Variants in SSPN observed in about 807,000 individuals in gnomAD.
SSPN encodes the protein sarcospan, also known as K-ras oncogene-associated protein.
In SSPN, 15 loss-of-function variants were observed where a neutral mutation model predicts 19.1. The ratio of observed to expected loss-of-function variants is 0.78; its 90% CI spans 0.52 to 1.21. The LOEUF (loss-of-function observed/expected upper bound fraction) is 1.21. Among genes scored for constraint, SSPN ranks in the 50% most tolerant of loss-of-function variants. The probability of loss-of-function intolerance (pLI) is 0.00; values close to 1 mark genes in which losing one functional copy is unlikely to be tolerated. For synonymous variants in SSPN, 147 were observed against 140.3 expected, an observed-to-expected ratio of 1.05 and a Z score of -0.34; for missense variants, 291 against 314.0, an observed-to-expected ratio of 0.93 and a Z score of 0.55.
chr12:26,170,790 C>T (rs553311927), intron 1 of SSPN, among the ~76,000 whole-genome samples: 1 of 152,178 alleles, frequency 6.6e-6, no homozygotes, highest in Non-Finnish European at 1.5e-5. Flanking sequence ...CCATCCATAA[C>T]CCTGCTTAGC....
chr12:26,160,189 T>C (rs1411435899), intron 1 of SSPN, among the ~76,000 whole-genome samples: 5 of 152,208 alleles, frequency 3.3e-5, no homozygotes, highest in Non-Finnish European at 1.5e-5. Context: ...TAGGTAGAAC[T>C]CTATTTTCAA....
At chr12:26,226,181 C>A (rs1480711619) in intron 2 of SSPN, among the ~76,000 whole-genome samples, 1 of 152,136 alleles carries the variant, frequency 6.6e-6, no homozygotes, top group Non-Finnish European at 1.5e-5. Context: ...ACATTATCTT[C>A]AGGTTGAAAG....
intron 1 of SSPN, among the ~76,000 whole-genome samples, chr12:26,210,416 A>G (rs762063078): frequency 3.9e-5 from 6 of 152,086 alleles, no homozygotes; most frequent in Non-Finnish European, 7.4e-5. Flanking sequence ...CAGGATCTCA[A>G]TAAGATCTAT....
intron 1 of SSPN, among the ~76,000 whole-genome samples, chr12:26,220,105 T>C (rs12580886): frequency 0.26 from 39,209 of 151,828 alleles, 5,399 homozygotes; most frequent in East Asian, 0.5. Context: ...TAGTCTACCA[T>C]GAGAAATCTG....
chr12:26,227,324 T>C (rs1258791032), intron 2 of SSPN, among the ~76,000 whole-genome samples: 1 of 152,162 alleles, frequency 6.6e-6, no homozygotes, highest in East Asian at 1.9e-4. Flanking sequence ...TCCGTGGCTT[T>C]CTCTAGTTTA....
At chr12:26,187,225 G>A (rs995193567) in intron 1 of SSPN, among the ~76,000 whole-genome samples, 2 of 152,214 alleles carry the variant, frequency 1.3e-5, no homozygotes, top group African/African-American at 4.8e-5. Context: ...ACGCCCCAGG[G>A]CCCCACTTAC....
intron 2 of SSPN, among the ~76,000 whole-genome samples, chr12:26,225,552 T>C (rs1945167867): frequency 6.6e-6 from 1 of 152,170 alleles, no homozygotes; most frequent in Admixed American, 6.5e-5. Context: ...TAGTTATAAC[T>C]TTTCTAAGTA....
chr12:26,210,409 G>A (rs936844517), intron 1 of SSPN, among the ~76,000 whole-genome samples: 20 of 151,852 alleles, frequency 1.3e-4, no homozygotes, highest in Non-Finnish European at 2.9e-5. Flanking sequence ...TCAAAATCAG[G>A]ATCTCAATAA....
chr12:26,149,900 A>AC (rs1250563948), intron 1 of SSPN, among the ~76,000 whole-genome samples: 26 of 152,136 alleles, frequency 1.7e-4, no homozygotes, highest in African/African-American at 5.8e-4. Flanking sequence ...GTGAACCATG[A>AC]TGCACCTGAA....
At chr12:26,182,106 C>T (rs1266828608) in intron 1 of SSPN, among the ~76,000 whole-genome samples, 1 of 152,192 alleles carries the variant, frequency 6.6e-6, no homozygotes, top group Non-Finnish European at 1.5e-5. Context: ...GAGTTTAGAA[C>T]TGGGAATGGG....
intron 1 of SSPN, among the ~76,000 whole-genome samples, chr12:26,171,339 A>G (rs1944652324): frequency 6.6e-6 from 1 of 152,348 alleles, no homozygotes; most frequent in Non-Finnish European, 1.5e-5. Flanking sequence ...AGTTACTTCA[A>G]ACTTCATCAG....
chr12:26,172,553 A>G (rs528138551), intron 1 of SSPN, among the ~76,000 whole-genome samples: 1 of 152,346 alleles, frequency 6.6e-6, no homozygotes, highest in Non-Finnish European at 1.5e-5. Context: ...ATGATTTTTA[A>G]TAGAAATAAA....
Position 26,232,198 on chromosome 12 carries a change from A to T in SSPN, c.*1122A>T. 15 of 985,474 alleles carry T rather than the reference A, an allele frequency of 1.5e-5. No individual in the cohort carries two copies. Among genetic ancestry groups the T allele is most frequent in the Non-Finnish European group, 1.8e-5 (15 of 829,930 alleles). 61.0% of individuals were successfully genotyped at this position (985,474 alleles called of 1,614,324 possible). A position where few individuals can be genotyped will look rare whatever the true frequency, so the allele number is the denominator to read the frequency against. On this transcript the variant is annotated 3_prime_UTR_variant, in exon 3 of 3. Coordinates refer to ENST00000242729, the MANE Select transcript of SSPN (RefSeq NM_005086.5). Reference sequence around the variant, plus strand: ...TTCCATTCATGAAACTGTATTTGATACATAATCCTATTATTAATTCGTATG... The same window carrying T: ...TTCCATTCATGAAACTGTATTTGATTCATAATCCTATTATTAATTCGTATG...
At chr12:26,143,828 A>T (rs1944474390) in intron 1 of SSPN, among the ~76,000 whole-genome samples, 1 of 152,156 alleles carries the variant, frequency 6.6e-6, no homozygotes. Context: ...CTTTGCTTGC[A>T]TTGCCGCCTG....
At position 26,195,696 on chromosome 12, in the gene SSPN, C is replaced by G. The variant is rs969971756; in HGVS notation, c.24C>G (p.Arg8=). ...CCATGGGCAAGAACAAGCAGCCACG[C>G]GGCCAGCAGAGGCAGGGGGGCCCGC... MGKNKQP[R]GQQRQGGPPA... is the part of the protein sequence containing the mutation. Residue 8 remains arginine, a synonymous_variant, in exon 1 of 3, where the codon CGC becomes CGG. Coordinates refer to ENST00000242729, the MANE Select transcript of SSPN (RefSeq NM_005086.5). 1.6e-5 allele frequency: 22 copies of G among 1,401,464 alleles called. No homozygotes were observed. The highest frequency in any genetic ancestry group is 1.9e-5 in the Non-Finnish European group (21 of 1,084,826). The allele number at this position is 1,401,464 out of a possible 1,614,324, so 86.8% of individuals were successfully genotyped here.
intron 1 of SSPN, among the ~76,000 whole-genome samples, chr12:26,137,618 A>ATG (rs1239619291): frequency 1.2e-3 from 134 of 116,306 alleles, no homozygotes; most frequent in African/African-American, 1.8e-3. Context: ...ATACATATAT[A>ATG]TGTGTGTGTG....
intron 1 of SSPN, among the ~76,000 whole-genome samples, chr12:26,133,432 A>G (rs953875503): frequency 2.0e-5 from 3 of 152,112 alleles, no homozygotes; most frequent in African/African-American, 7.2e-5. Flanking sequence ...CTCACCCCAA[A>G]TGTTGCAAGA....
intron 1 of SSPN, among the ~76,000 whole-genome samples, chr12:26,203,403 T>C (rs573847319): frequency 1.2e-4 from 19 of 152,326 alleles, no homozygotes; most frequent in African/African-American, 4.6e-4. Flanking sequence ...TGTTCAAGTC[T>C]AGGTTTATCA....
chr12:26,179,919 C>CTTTTTTTTTTTTTTTTTTT (rs10591596), intron 1 of SSPN: 2 of 68,268 alleles, frequency 2.9e-5, no homozygotes, highest in Admixed American at 2.1e-4. Flanking sequence ...TTTAGCTAGG[C>CTTTTTTTTTTTTTTTTTTT]TTTTTTTTTT....
Sources: allele counts gnomAD v4.1 joint callset (sites outside exome capture counted in the v4.1 genomes callset), GRCh38; gene constraint gnomAD v4.1.1; transcripts MANE v1.5; gene names NCBI Gene and HGNC (gene_info 2026-07-23, HGNC 2026-07-21).